Variants in RYR2 observed in about 807,000 individuals in gnomAD.
RYR2 encodes cardiac muscle ryanodine receptor-calcium release channel.
In RYR2, 227 loss-of-function variants were observed where a neutral mutation model predicts 601.1. The ratio of observed to expected loss-of-function variants is 0.38; its 90% CI spans 0.34 to 0.42. The LOEUF is 0.42. Ranked by LOEUF, RYR2 falls within the 10% of genes least tolerant of loss-of-function variation. RYR2 has a pLI of 1.00. For missense variants in RYR2, 4,646 were observed against 6,156.5 expected (o/e 0.75, Z 8.21); for synonymous variants, 2,223 against 2,175.1 (o/e 1.02, Z -0.61).
At position 237,467,858 on chromosome 1, in the gene RYR2, CTT is replaced by C. The variant is rs199646421; in HGVS notation, c.1613-1217_1613-1216del. Reference sequence around the variant, plus strand: ...TGCATCAGCTACCAGATTTTCTCTGCTTTTTTTTTTTTTTTTTTGAAACGGAG... The same window carrying C: ...TGCATCAGCTACCAGATTTTCTCTGCTTTTTTTTTTTTTTTTGAAACGGAG... On this transcript the variant is annotated intron_variant, in intron 16 of 104. Coordinates refer to ENST00000366574, the MANE Select transcript of RYR2 (RefSeq NM_001035.3). 5.7e-3 allele frequency among the ~76,000 whole-genome samples: 704 copies of C among 123,570 alleles called. 3 individuals are homozygous for C. The highest frequency in any genetic ancestry group is 0.017 in the African/African-American group (570 of 33,352). 81.1% of individuals were successfully genotyped at this position (123,570 alleles called of 152,430 possible).
intron 3 of RYR2, among the ~76,000 whole-genome samples, chr1:237,341,059 TA>T (rs1349736108): frequency 6.6e-6 from 1 of 152,200 alleles, no homozygotes; most frequent in Non-Finnish European, 1.5e-5. Flanking sequence ...TCAAACTCAA[TA>T]AAGACGTCAA....
chr1:237,671,552 A>G (rs1270777971), intron 58 of RYR2, among the ~76,000 whole-genome samples: 1 of 151,634 alleles, frequency 6.6e-6, no homozygotes, highest in Non-Finnish European at 1.5e-5. Context: ...TGTGAGAGAG[A>G]GAGAAATAGA....
intron 38 of RYR2, among the ~76,000 whole-genome samples, chr1:237,621,325 A>G (rs1679052189): frequency 6.6e-6 from 1 of 152,168 alleles, no homozygotes; most frequent in Admixed American, 6.5e-5. Flanking sequence ...ACTCAGATCA[A>G]TAACCTGACC....
intron 4 of RYR2, among the ~76,000 whole-genome samples, chr1:237,360,263 T>C (rs1571974054): frequency 1.3e-5 from 2 of 152,222 alleles, no homozygotes. Context: ...GCAGGCTTTG[T>C]ATGTCTTCAA....
At position 237,083,568 on chromosome 1, in the gene RYR2, T is replaced by C. The variant is rs1429521331; in HGVS notation, c.48+40999T>C. Reference sequence around the variant, plus strand: ...CCAGATGGTTCAGTGGGACTGAGAATGTGAACTGATGAGGCAAGTATGTCT... The same window carrying C: ...CCAGATGGTTCAGTGGGACTGAGAACGTGAACTGATGAGGCAAGTATGTCT... On this transcript the variant is annotated intron_variant, in intron 1 of 104. Coordinates refer to ENST00000366574, the MANE Select transcript of RYR2 (RefSeq NM_001035.3). Among the ~76,000 whole-genome samples the C allele has an allele frequency of 4.6e-5, 7 of 152,092 alleles. 1 individual carries two copies. The East Asian group carries it at 1.4e-3, about 29-fold the overall frequency.
At chr1:237,288,272 C>T (rs1359112104) in intron 2 of RYR2, among the ~76,000 whole-genome samples, 1 of 152,212 alleles carries the variant, frequency 6.6e-6, no homozygotes, top group Non-Finnish European at 1.5e-5. Flanking sequence ...GAATGCTCTA[C>T]TTTTGTGCTA....
chr1:237,741,339 C>A (rs180856952), intron 79 of RYR2, among the ~76,000 whole-genome samples: 2 of 152,216 alleles, frequency 1.3e-5, no homozygotes, highest in African/African-American at 4.8e-5. Context: ...AGTACTGTGT[C>A]TCACCGAATT....
intron 16 of RYR2, among the ~76,000 whole-genome samples, chr1:237,459,723 G>A (rs1201108566): frequency 3.3e-5 from 5 of 152,092 alleles, no homozygotes; most frequent in Non-Finnish European, 7.4e-5. Flanking sequence ...AGAGTTATTT[G>A]GGGATTAAAT....
intron 100 of RYR2, among the ~76,000 whole-genome samples, chr1:237,818,506 G>C (rs1662084784): frequency 6.6e-6 from 1 of 151,822 alleles, no homozygotes; most frequent in Non-Finnish European, 1.5e-5. Context: ...TTCCTCCCCA[G>C]GTCTCCTCTC....
chr1:237,114,062 C>G (rs1176569555), intron 1 of RYR2, among the ~76,000 whole-genome samples: 1 of 152,162 alleles, frequency 6.6e-6, no homozygotes. Context: ...CAGAGACTTT[C>G]ATTTCGTGAA....
intron 38 of RYR2, among the ~76,000 whole-genome samples, chr1:237,618,775 T>C (rs914749681): frequency 2.0e-5 from 3 of 152,168 alleles, no homozygotes; most frequent in Non-Finnish European, 4.4e-5. Flanking sequence ...TGTAACAAGG[T>C]GTCCCAGTAG....
intron 1 of RYR2, among the ~76,000 whole-genome samples, chr1:237,228,440 G>T (rs748245267): frequency 7.2e-5 from 11 of 152,134 alleles, no homozygotes; most frequent in Non-Finnish European, 1.5e-4. Flanking sequence ...TAACATGCAT[G>T]TGCAAGTATC....
At position 237,631,530 on chromosome 1, in the gene RYR2, G is replaced by C. The variant is rs1473613985; in HGVS notation, c.6544G>C (p.Gly2182Arg). The change falls in exon 42 of 105, where the codon GGA becomes CGA. Residue 2182 changes from glycine to arginine, a missense_variant. Physicochemically the swap from Gly to Arg is moderately radical, Grantham distance 125. Transcript: ENST00000366574. The stretch of plus-strand genomic sequence containing the variant: ...GGTCATGGTGAACGTCCTTGGAGGT[G>C]GAGAGTCCAAGGTAACGTCTTTGAT... ...MEVMVNVLGG[G>R]ESKEITFPKM... 1.9e-6 allele frequency: 3 copies of C among 1,607,240 alleles called. No homozygotes were observed. The highest frequency in any genetic ancestry group is 1.7e-5 in the Admixed American group (1 of 59,712).
rs776623582 is a variant in RYR2 at position 237,730,384 on chromosome 1, A to G, written c.10935+28A>G. On this transcript the variant is annotated intron_variant, in intron 77 of 104. Coordinates refer to ENST00000366574, the MANE Select transcript of RYR2 (RefSeq NM_001035.3). ...ATGTTTTTAGTGGGGCTCTAAGATG[A>G]AAGAGGGTCTAGGCTTGGTGCAGCA... The G allele has an allele frequency of 5.6e-5, 69 of 1,228,224 alleles. No homozygotes were observed. The South Asian group carries it at 8.2e-4, about 15-fold the overall frequency. 76.1% of individuals were successfully genotyped at this position (1,228,224 alleles called of 1,614,324 possible).
At chr1:237,417,897 T>C (rs139022577) in intron 11 of RYR2, among the ~76,000 whole-genome samples, 152 of 152,250 alleles carry the variant, frequency 1.0e-3, no homozygotes, top group African/African-American at 3.3e-3. Context: ...GTTTACTTCC[T>C]AGTATATTGG....
intron 3 of RYR2, among the ~76,000 whole-genome samples, chr1:237,345,130 A>G (rs1698182820): frequency 1.3e-5 from 2 of 152,084 alleles, no homozygotes; most frequent in Admixed American, 1.3e-4. Context: ...TTGAAGTTAC[A>G]TAATGTCTGT....
chr1:237,212,126 CT>C (rs1046236355), intron 1 of RYR2, among the ~76,000 whole-genome samples: 2 of 151,534 alleles, frequency 1.3e-5, no homozygotes, highest in African/African-American at 4.9e-5. Context: ...AAAGAAAGTT[CT>C]TTGGAAAAAG....
chr1:237,778,749 T>C lies in RYR2; in HGVS notation c.11859T>C (p.His3953=), dbSNP rs751268867. ...AVVGFLHVFA[H]MQMKLSQDSS... Reference sequence around the variant, plus strand: ...TCGGCTTTCTTCATGTGTTTGCCCATATGCAGATGAAGCTGTCGCAGGTAA... The same window carrying C: ...TCGGCTTTCTTCATGTGTTTGCCCACATGCAGATGAAGCTGTCGCAGGTAA... Residue 3953 remains histidine, a synonymous_variant, in exon 88 of 105, where the codon CAT becomes CAC. Coordinates refer to ENST00000366574, the MANE Select transcript of RYR2 (RefSeq NM_001035.3). 3.7e-6 allele frequency: 6 copies of C among 1,604,806 alleles called. No homozygotes were observed. In the African/African-American group the frequency reaches 4.0e-5, roughly 11 times the overall value.
At chr1:237,536,898 C>G (rs1269257318) in intron 25 of RYR2, among the ~76,000 whole-genome samples, 1 of 151,264 alleles carries the variant, frequency 6.6e-6, no homozygotes, top group African/African-American at 2.4e-5. Flanking sequence ...AAAAAAAAGA[C>G]TTGCAGAACA....
Sources: allele counts gnomAD v4.1 joint callset (sites outside exome capture counted in the v4.1 genomes callset), GRCh38; gene constraint gnomAD v4.1.1; transcripts MANE v1.5; gene names NCBI Gene and HGNC (gene_info 2026-07-23, HGNC 2026-07-21).